The following MAF variants were observed in gnomAD, a reference collection of about 807,000 sequenced individuals.
The protein encoded by MAF is transcription factor Maf.
A neutral mutation model predicts 22.0 loss-of-function variants in MAF; 10 were observed. The ratio of observed to expected loss-of-function variants is 0.45; its 90% confidence interval spans 0.28 to 0.77. The LOEUF (loss-of-function observed/expected upper bound fraction) is 0.77, where lower values mean the gene tolerates loss of function less well. Among genes scored for constraint, MAF ranks in the 30% least tolerant of loss-of-function variants. The probability of loss-of-function intolerance (pLI) is 0.12; values close to 1 mark genes in which losing one functional copy is unlikely to be tolerated. For missense variants in MAF, 544 were observed against 548.4 expected, an observed-to-expected ratio of 0.99 and a Z score of 0.08; for synonymous variants, 337 against 255.8, an observed-to-expected ratio of 1.32 and a Z score of -3.03.
the MAF span, chr16:79,212,975 C>G: frequency 6.6e-6 from 1 of 152,190 alleles, no homozygotes; most frequent in Admixed American, 6.5e-5. Flanking sequence ...TACTTACTTA[C>G]AGTGAGTTAT....
the MAF span, among the ~76,000 whole-genome samples, chr16:79,232,678 G>A: frequency 6.6e-6 from 1 of 151,934 alleles, no homozygotes; most frequent in Non-Finnish European, 1.5e-5. Flanking sequence ...ATTCGCATCT[G>A]GGGTTCTTTG....
the MAF span, among the ~76,000 whole-genome samples, chr16:79,355,982 C>G: frequency 4.6e-5 from 7 of 152,136 alleles, no homozygotes; most frequent in African/African-American, 1.4e-4. Flanking sequence ...ATTCTCCATG[C>G]CTCTCTCCTT....
chr16:79,403,493 T>G, the MAF span, among the ~76,000 whole-genome samples: 5 of 152,188 alleles, frequency 3.3e-5, no homozygotes, highest in Non-Finnish European at 7.3e-5. Flanking sequence ...CTTCCCTGCC[T>G]CTGTGCATGC....
chr16:79,305,573 G>A, the MAF span, among the ~76,000 whole-genome samples: 3 of 152,126 alleles, frequency 2.0e-5, no homozygotes, highest in African/African-American at 4.8e-5. Context: ...TCATGGGGAG[G>A]GGCTGCACTA....
At chr16:79,219,450 C>G in the MAF span, among the ~76,000 whole-genome samples, 2 of 148,860 alleles carry the variant, frequency 1.3e-5, no homozygotes, top group South Asian at 2.1e-4. Flanking sequence ...ACTCCGGAGG[C>G]TGAGGCAGGA....
At chr16:79,427,320 C>A in the MAF span, among the ~76,000 whole-genome samples, 20 of 152,330 alleles carry the variant, frequency 1.3e-4, no homozygotes, top group African/African-American at 4.3e-4. Context: ...ACCAAGGGCA[C>A]TTTGCTTGTC....
At chr16:79,209,522 G>C in the MAF span, among the ~76,000 whole-genome samples, 1 of 152,176 alleles carries the variant, frequency 6.6e-6, no homozygotes, top group African/African-American at 2.4e-5. Context: ...GAGGGCGGGA[G>C]GCTGGACTTG....
the MAF span, among the ~76,000 whole-genome samples, chr16:79,362,700 G>C: frequency 2.0e-4 from 31 of 152,254 alleles, no homozygotes; most frequent in African/African-American, 7.2e-4. Context: ...TAAAATTCTA[G>C]ACTGCATACC....
the MAF span, among the ~76,000 whole-genome samples, chr16:79,261,522 T>G: frequency 6.6e-6 from 1 of 152,330 alleles, no homozygotes; most frequent in Non-Finnish European, 1.5e-5. Context: ...AACAAATTTG[T>G]GGATGAATGA....
chr16:79,410,052 C>A, the MAF span, among the ~76,000 whole-genome samples: 1 of 152,188 alleles, frequency 6.6e-6, no homozygotes. Flanking sequence ...TAGGAGTATG[C>A]ACCTGTAACC....
the MAF span, among the ~76,000 whole-genome samples, chr16:79,434,440 G>A: frequency 6.6e-6 from 1 of 152,222 alleles, no homozygotes; most frequent in African/African-American, 2.4e-5. Context: ...ACCAGCTTTT[G>A]CAAAATACCT....
At chr16:79,513,616 C>G in the MAF span, among the ~76,000 whole-genome samples, 1 of 152,142 alleles carries the variant, frequency 6.6e-6, no homozygotes, top group Non-Finnish European at 1.5e-5. Context: ...TGACCAGTTG[C>G]GGAATCTCAG....
chr16:79,378,973 G>A, the MAF span, among the ~76,000 whole-genome samples: 1 of 152,202 alleles, frequency 6.6e-6, no homozygotes, highest in African/African-American at 2.4e-5. Flanking sequence ...ATTTGGATTA[G>A]AGTAAAATTA....
rs778779532 is a variant in MAF, at chr16:79,598,985, G to A, written c.918C>T (p.Arg306=). ...LKNRGYAQSC[R]FKRVQQRHVL... ...CGTGTCTCTGCTGCACCCTCTTGAA[G>A]CGGCAGGACTGGGCATAGCCGCGGT... The change falls in exon 1 of 2, where the codon CGC becomes CGT. Residue 306 remains arginine (R), a synonymous_variant. Transcript: ENST00000326043. 3.5e-5 allele frequency: 56 copies of A among 1,613,666 alleles called. No homozygotes were observed. Among genetic ancestry groups the A allele is most frequent in the African/African-American group, 1.3e-5 (1 of 74,848 alleles).
chr16:79,581,633 G>T (rs1215449807), downstream of MAF, among the ~76,000 whole-genome samples: 3 of 152,016 alleles, frequency 2.0e-5, no homozygotes, highest in Admixed American at 2.0e-4. Context: ...CTTTTCAATA[G>T]ACTGAGAGGA....
the MAF span, among the ~76,000 whole-genome samples, chr16:79,370,748 C>T: frequency 6.6e-6 from 1 of 152,168 alleles, no homozygotes; most frequent in Non-Finnish European, 1.5e-5. Context: ...TTGTTACCTG[C>T]TCATTCTCTT....
chr16:79,401,498 T>C, the MAF span, among the ~76,000 whole-genome samples: 1 of 152,140 alleles, frequency 6.6e-6, no homozygotes. Context: ...ACACTTCATA[T>C]ATTTTATTGG....
chr16:79,221,715 ATG>A, the MAF span, among the ~76,000 whole-genome samples: 10 of 151,730 alleles, frequency 6.6e-5, no homozygotes, highest in South Asian at 1.0e-3. Context: ...GTGATTGTGT[ATG>A]TGTGTGTGTG....
chr16:79,471,593 C>T, the MAF span, among the ~76,000 whole-genome samples: 1 of 152,192 alleles, frequency 6.6e-6, no homozygotes, highest in Non-Finnish European at 1.5e-5. Context: ...AGGAGGATGG[C>T]TCCAGCCCTG....
Sources: gnomAD v4.1 joint callset for allele counts (sites outside exome capture counted in the v4.1 genomes callset) on GRCh38, gnomAD v4.1.1 for gene constraint, MANE v1.5 for transcripts, NCBI Gene and HGNC (gene_info 2026-07-23, HGNC 2026-07-21) for gene names.